The following GRIK3 variants were observed in gnomAD, a reference collection of about 807,000 sequenced individuals.
The protein encoded by GRIK3 is glutamate receptor ionotropic, kainate 3.
Under a neutral mutation model 102.5 loss-of-function variants are expected in GRIK3, and 29 were observed. The ratio of observed to expected loss-of-function variants is 0.28; its 90% CI spans 0.21 to 0.39. GRIK3 has a LOEUF of 0.39. Ranked by LOEUF, GRIK3 falls within the 10% of genes least tolerant of loss-of-function variation. GRIK3 has a pLI of 1.00. For missense variants in GRIK3, 908 were observed against 1,252.4 expected, an observed-to-expected ratio of 0.73 and a Z score of 4.15; for synonymous variants, 511 against 504.9, an observed-to-expected ratio of 1.01 and a Z score of -0.16.
chr1:36,969,389 T>TTGG (rs1352335799), intron 1 of GRIK3, among the ~76,000 whole-genome samples: 1 of 152,242 alleles, frequency 6.6e-6, no homozygotes, highest in African/African-American at 2.4e-5. Flanking sequence ...GATTTGGGTT[T>TTGG]TGGTTTTGTT....
In GRIK3 at chr1:36,805,180, T is replaced by C. The variant is rs1473179765; in HGVS notation, c.2372A>G (p.Lys791Arg). 8.1e-6 allele frequency: 13 copies of C among 1,614,172 alleles called. No individual in the cohort carries two copies. The highest frequency in any genetic ancestry group is 1.1e-5 in the Non-Finnish European group (13 of 1,180,032). Residue 791 changes from lysine to arginine, a missense_variant, in exon 15 of 16, where the codon AAG becomes AGG. Transcript: ENST00000373091. ...CCACTTCTCCTTCATGATATGCAGCTTGTCCTCCTCCTGAAGCTGCAGGAT... is the reference window on the plus strand; with the variant it reads ...CCACTTCTCCTTCATGATATGCAGCCTGTCCTCCTCCTGAAGCTGCAGGAT... ...IAILQLQEED[K>R]LHIMKEKWWR...
chr1:36,962,839 G>A (rs914336481), intron 1 of GRIK3, among the ~76,000 whole-genome samples: 10 of 145,228 alleles, frequency 6.9e-5, no homozygotes, highest in Admixed American at 4.9e-4. Context: ...AGCCGAGATC[G>A]TGCCACTGCA....
At chr1:36,967,915 A>G (rs1642097054) in intron 1 of GRIK3, among the ~76,000 whole-genome samples, 1 of 152,248 alleles carries the variant, frequency 6.6e-6, no homozygotes, top group South Asian at 2.1e-4. Flanking sequence ...ATAATGACAT[A>G]CTTTGCCCAG....
At chr1:36,965,066 C>T (rs897619333) in intron 1 of GRIK3, among the ~76,000 whole-genome samples, 1 of 152,152 alleles carries the variant, frequency 6.6e-6, no homozygotes, top group Non-Finnish European at 1.5e-5. Flanking sequence ...GAGTGGAAGG[C>T]GTGTGGTACC....
chr1:36,999,257 G>A (rs1326724315), intron 1 of GRIK3, among the ~76,000 whole-genome samples: 1 of 152,124 alleles, frequency 6.6e-6, no homozygotes, highest in Non-Finnish European at 1.5e-5. Context: ...GCATGGTCTG[G>A]GAAAGGTGCC....
intron 10 of GRIK3, among the ~76,000 whole-genome samples, chr1:36,840,525 C>T (rs1298822382): frequency 1.0e-5 from 1 of 99,412 alleles, no homozygotes; most frequent in African/African-American, 3.7e-5. Flanking sequence ...ACAGTCTGGA[C>T]AACAAAGTGA....
chr1:36,965,764 C>CA lies in GRIK3; in HGVS notation c.115+68229_115+68230insT, dbSNP rs533244290. Reference sequence around the variant, plus strand: ...ACGTTCTCTGTGGAACCTCAATTCCCTAAGAAACATTTGCAAGGAGGGTAA... The same window carrying CA: ...ACGTTCTCTGTGGAACCTCAATTCCCATAAGAAACATTTGCAAGGAGGGTAA... On this transcript the variant is annotated intron_variant, in intron 1 of 15. Coordinates refer to ENST00000373091, the MANE Select transcript of GRIK3 (RefSeq NM_000831.4). Among the ~76,000 whole-genome samples the CA allele has an allele frequency of 3.9e-5, 6 of 152,278 alleles. No individual in the cohort carries two copies. In the South Asian group the frequency reaches 1.2e-3, roughly 32 times the overall value.
intron 1 of GRIK3, among the ~76,000 whole-genome samples, chr1:37,022,544 G>A (rs1408679684): frequency 2.0e-5 from 3 of 152,204 alleles, no homozygotes; most frequent in African/African-American, 7.2e-5. Flanking sequence ...AAATATTCCA[G>A]CTCTGCCCAA....
At chr1:36,875,114 C>T (rs749554426) in intron 3 of GRIK3, among the ~76,000 whole-genome samples, 3 of 152,218 alleles carry the variant, frequency 2.0e-5, no homozygotes, top group Non-Finnish European at 2.9e-5. Context: ...CAAGGATTTT[C>T]ATTCCAATGT....
intron 1 of GRIK3, among the ~76,000 whole-genome samples, chr1:36,982,061 C>T (rs2124367267): frequency 6.6e-6 from 1 of 152,312 alleles, no homozygotes; most frequent in Non-Finnish European, 1.5e-5. Flanking sequence ...CTCCCTACTC[C>T]CTCCGGCTCC....
At chr1:36,958,458 T>TGA (rs1229680762) in intron 1 of GRIK3, among the ~76,000 whole-genome samples, 2 of 141,414 alleles carry the variant, frequency 1.4e-5, no homozygotes, top group Non-Finnish European at 3.0e-5. Flanking sequence ...GTGTGCCCTG[T>TGA]GAGTCTGTGC....
At chr1:36,902,212 G>A (rs1641239270) in intron 1 of GRIK3, among the ~76,000 whole-genome samples, 1 of 152,162 alleles carries the variant, frequency 6.6e-6, no homozygotes, top group Admixed American at 6.5e-5. Context: ...AAGTTATTTT[G>A]TGGCTATTGA....
intron 15 of GRIK3, chr1:36,804,737 C>G (rs927433755): frequency 2.5e-5 from 14 of 549,144 alleles, no homozygotes; most frequent in Non-Finnish European, 3.8e-5. Flanking sequence ...GGCTGGAGGG[C>G]CAGTTTGAAG....
chr1:36,853,280 C>T (rs1256599842), intron 8 of GRIK3, among the ~76,000 whole-genome samples: 2 of 152,220 alleles, frequency 1.3e-5, no homozygotes, highest in Non-Finnish European at 2.9e-5. Context: ...TGCTCCATGA[C>T]AGCCCTGCAG....
At chr1:36,930,275 G>T (rs867482601) in intron 1 of GRIK3, among the ~76,000 whole-genome samples, 1 of 152,172 alleles carries the variant, frequency 6.6e-6, no homozygotes, top group African/African-American at 2.4e-5. Context: ...GGTGATAGGT[G>T]TGTGCACCCT....
intron 10 of GRIK3, among the ~76,000 whole-genome samples, chr1:36,836,475 G>T (rs1351503473): frequency 1.3e-5 from 2 of 152,250 alleles, no homozygotes; most frequent in Non-Finnish European, 2.9e-5. Flanking sequence ...CTCCCCGTCG[G>T]TAAGAAGAGT....
At position 36,800,431 on chromosome 1, in the gene GRIK3, C is replaced by A. The variant is rs1384600903; in HGVS notation, c.*1420G>T. Reference sequence around the variant, plus strand: ...CAGACCTCTAGAGCATTCATCACAGCAAGCTGGAACTCATAGGTCCACCCC... The same window carrying A: ...CAGACCTCTAGAGCATTCATCACAGAAAGCTGGAACTCATAGGTCCACCCC... On this transcript the variant is annotated 3_prime_UTR_variant, in exon 16 of 16. Transcript: ENST00000373091. 6.6e-6 allele frequency: 1 copy of A among 152,406 alleles called. No homozygotes were observed. Among genetic ancestry groups the A allele is most frequent in the East Asian group, 1.9e-4 (1 of 5,182 alleles). 9.4% of individuals were successfully genotyped at this position (152,406 alleles called of 1,614,324 possible). A position where few individuals can be genotyped will look rare whatever the true frequency, so the allele number is the denominator to read the frequency against.
At chr1:36,950,738 G>T (rs1457570922) in intron 1 of GRIK3, among the ~76,000 whole-genome samples, 1 of 152,266 alleles carries the variant, frequency 6.6e-6, no homozygotes, top group Non-Finnish European at 1.5e-5. Flanking sequence ...AAACTGTCTT[G>T]TTGAGAACTT....
chr1:36,976,904 C>G (rs1171492393), intron 1 of GRIK3, among the ~76,000 whole-genome samples: 1 of 152,192 alleles, frequency 6.6e-6, no homozygotes, highest in Non-Finnish European at 1.5e-5. Context: ...CTTCTAGACA[C>G]AGGACAGATG....
Sources: allele counts gnomAD v4.1 joint callset (sites outside exome capture counted in the v4.1 genomes callset), GRCh38; gene constraint gnomAD v4.1.1; transcripts MANE v1.5; gene names NCBI Gene and HGNC (gene_info 2026-07-23, HGNC 2026-07-21).